C4orf54: variants seen among roughly 807,000 people sequenced by gnomAD.
The protein encoded by C4orf54 is chromosome 4 open reading frame 54, also known as uncharacterized protein C4orf54.
In C4orf54, 67 loss-of-function variants were observed where a neutral mutation model predicts 80.1. The observed-to-expected ratio is 0.84, with a 90% CI of 0.69 to 1.03. The LOEUF is 1.03. Among genes scored for constraint, C4orf54 ranks in the 50% least tolerant of loss-of-function variants. C4orf54 has a pLI of 0.00. For missense variants in C4orf54, 2,434 were observed against 2,253.5 expected, an observed-to-expected ratio of 1.08 and a Z score of -1.62; for synonymous variants, 1,000 against 917.0, an observed-to-expected ratio of 1.09 and a Z score of -1.64.
intron 2 of C4orf54, among the ~76,000 whole-genome samples, chr4:99,646,841 T>C (rs17029264): frequency 0.072 from 10,978 of 152,256 alleles, 623 homozygotes; most frequent in African/African-American, 0.16. Context: ...AATATCTGAA[T>C]GGTAGTTACA....
rs1234799043 is a variant in C4orf54 at position 99,640,911 on chromosome 4, AG to A, written c.*321del. On this transcript the variant is annotated 3_prime_UTR_variant, in exon 3 of 3. Coordinates refer to ENST00000511828, the MANE Select transcript of C4orf54 (RefSeq NM_001354435.2). ...GAATTGTTTGTCTAGTCACAAGTAC[AG>A]GGGGGAAGGAGGTGAATAGAAAGCT... 6.6e-6 allele frequency: 1 copy of A among 152,142 alleles called. No individual in the cohort carries two copies. Among genetic ancestry groups the A allele is most frequent in the African/African-American group, 2.4e-5 (1 of 41,446 alleles). The allele number at this position is 152,142 out of a possible 1,614,324, so 9.4% of individuals were successfully genotyped here.
chr4:99,653,509 C>T lies in C4orf54; in HGVS notation c.1140G>A (p.Gln380=), dbSNP rs1339550690. Residue 380 remains glutamine (Q), a synonymous_variant, in exon 2 of 3, where the codon CAG becomes CAA. Coordinates refer to ENST00000511828, the MANE Select transcript of C4orf54 (RefSeq NM_001354435.2). Reference sequence around the variant, plus strand: ...CCAGTCCCACGTCGAAATCCATGTCCTGTTCCACCTCACTCAGCTGGATCT... The same window carrying T: ...CCAGTCCCACGTCGAAATCCATGTCTTGTTCCACCTCACTCAGCTGGATCT... The part of the protein sequence containing the change: ...THEIQLSEVE[Q]DMDFDVGLAS... 1 of 1,536,018 alleles carries T rather than the reference C, an allele frequency of 6.5e-7. No homozygotes were observed. The highest frequency in any genetic ancestry group is 8.7e-7 in the Non-Finnish European group (1 of 1,146,920).
chr4:99,652,452 T>C lies in C4orf54; in HGVS notation c.2197A>G (p.Thr733Ala), dbSNP rs1726862395. ...KVEGEIKHVE[T>A]PLCFQKQVQT... ...ACCTGCTTCTGGAAACACAGGGGCG[T>C]CTCCACATGTTTGATTTCCCCCTCG... Residue 733 changes from threonine (T) to alanine (A), a missense_variant, in exon 2 of 3, where the codon ACG becomes GCG. Coordinates refer to ENST00000511828, the MANE Select transcript of C4orf54 (RefSeq NM_001354435.2). 7 of 1,535,824 alleles carry C rather than the reference T, an allele frequency of 4.6e-6. No individual in the cohort carries two copies. The highest frequency in any genetic ancestry group is 1.2e-5 in the South Asian group (1 of 84,018).
chr4:99,652,470 C>T lies in C4orf54; in HGVS notation c.2179G>A (p.Glu727Lys). 6.5e-7 allele frequency: 1 copy of T among 1,535,794 alleles called. No individual in the cohort carries two copies. The highest frequency in any genetic ancestry group is 8.7e-7 in the Non-Finnish European group (1 of 1,146,716). The change falls in exon 2 of 3, where the codon GAA (glutamate) becomes AAA (lysine). Residue 727 changes from glutamate (E) to lysine (K), a missense_variant. Coordinates refer to ENST00000511828, the MANE Select transcript of C4orf54 (RefSeq NM_001354435.2). ...AGGGGCGTCTCCACATGTTTGATTT[C>T]CCCCTCGACTTTGCTGACCACGAAC... ...LEFVVSKVEG[E>K]IKHVETPLCF...
chr4:99,652,819 G>T lies in C4orf54; in HGVS notation c.1830C>A (p.Ser610=). The T allele has an allele frequency of 6.5e-7, 1 of 1,536,114 alleles. No individual in the cohort carries two copies. The highest frequency in any genetic ancestry group is 8.7e-7 in the Non-Finnish European group (1 of 1,146,910). ...CATCGTCCAGTTCGCTCACGGCACT[G>T]GAGGCTCCGCTGGAGTAGTCCACCA... ...KELVDYSSGA[S]SAVSELDDAD... Residue 610 remains serine, a synonymous_variant, in exon 2 of 3, where the codon TCC becomes TCA. Coordinates refer to ENST00000511828, the MANE Select transcript of C4orf54 (RefSeq NM_001354435.2).
Position 99,650,362 on chromosome 4 carries a change from G to T in C4orf54, c.4287C>A (p.Gly1429=). 1 of 1,536,090 alleles carries T rather than the reference G, an allele frequency of 6.5e-7. No homozygotes were observed. Among genetic ancestry groups the T allele is most frequent in the Non-Finnish European group, 8.7e-7 (1 of 1,146,892 alleles). ...GGGACCGGAGTCCCTGCGACTTGAT[G>T]CCCTTAGCTGCTGAAGGACTCTCCG... ...PSPESPSAAK[G]IKSQGLRSLK... is the part of the protein sequence containing the mutation. The change falls in exon 2 of 3, where the codon GGC becomes GGA. Residue 1429 remains glycine, a synonymous_variant. Transcript: ENST00000511828.
chr4:99,653,625 C>T lies in C4orf54; in HGVS notation c.1024G>A (p.Asp342Asn). ...GKGGGGGGAGDGTECRDIIAK... is the reference protein window; with the variant it reads ...GKGGGGGGAGNGTECRDIIAK... ...ATAATGTCCCTGCACTCTGTTCCAT[C>T]TCCTGCCCCTCCTCCCCCTCCTCCT... Residue 342 changes from aspartate (D) to asparagine (N), a missense_variant, in exon 2 of 3, where the codon GAT becomes AAT. Asp to Asn is a conservative substitution (Grantham distance 23, BLOSUM62 1). Coordinates refer to ENST00000511828, the MANE Select transcript of C4orf54 (RefSeq NM_001354435.2). The T allele has an allele frequency of 6.5e-7, 1 of 1,535,774 alleles. No individual in the cohort carries two copies. Among genetic ancestry groups the T allele is most frequent in the Non-Finnish European group, 8.7e-7 (1 of 1,146,732 alleles).
At position 99,650,428 on chromosome 4, in the gene C4orf54, T is replaced by C. The variant is rs568492415; in HGVS notation, c.4221A>G (p.Lys1407=). 2.6e-6 allele frequency: 4 copies of C among 1,535,936 alleles called. No individual in the cohort carries two copies. In the South Asian group the frequency reaches 4.8e-5, roughly 18 times the overall value. Residue 1407 remains lysine (K), a synonymous_variant, in exon 2 of 3, where the codon AAA becomes AAG. Coordinates refer to ENST00000511828, the MANE Select transcript of C4orf54 (RefSeq NM_001354435.2). ...VFTVSASSIQ[K]TGGVAGKFPQ... ...GGAACTTGCCAGCGACACCCCCAGTTTTCTGGATGCTGCTGGCACTCACTG... is the reference window on the plus strand; with the variant it reads ...GGAACTTGCCAGCGACACCCCCAGTCTTCTGGATGCTGCTGGCACTCACTG...
chr4:99,649,588 C>A lies in C4orf54; in HGVS notation c.5061G>T (p.Leu1687=). The change falls in exon 2 of 3, where the codon CTG becomes CTT. Residue 1687 remains leucine (L), a synonymous_variant. Transcript: ENST00000511828. ...GTGTGGGCTGCAGAGCATTGGTGGG[C>A]AGCACGGTAGGCAGAAACCCAGGGT... ...MIYPGFLPTV[L]PTNALQPTPI... is the part of the protein sequence containing the mutation. 1 of 1,536,096 alleles carries A rather than the reference C, an allele frequency of 6.5e-7. No individual in the cohort carries two copies. Among genetic ancestry groups the A allele is most frequent in the Non-Finnish European group, 8.7e-7 (1 of 1,146,906 alleles).
In C4orf54 at chr4:99,641,180, A is replaced by G. The variant is rs1340903675; in HGVS notation, c.*53T>C. On this transcript the variant is annotated 3_prime_UTR_variant, in exon 3 of 3. Transcript: ENST00000511828. ...ATTCCAGATTAAAGAAGAATAGTCC[A>G]TCTTTTTGTCTTGCTCCTATAAAAT... 1 of 152,032 alleles carries G rather than the reference A, an allele frequency of 6.6e-6. No individual in the cohort carries two copies. The highest frequency in any genetic ancestry group is 1.5e-5 in the Non-Finnish European group (1 of 67,958). 9.4% of individuals were successfully genotyped at this position (152,032 alleles called of 1,614,324 possible). A position where few individuals can be genotyped will look rare whatever the true frequency, so the allele number is the denominator to read the frequency against.
In C4orf54 at chr4:99,650,103, G is replaced by A; in HGVS notation, c.4546C>T (p.Pro1516Ser). The A allele has an allele frequency of 6.5e-7, 1 of 1,535,966 alleles. No individual in the cohort carries two copies. The highest frequency in any genetic ancestry group is 1.2e-5 in the South Asian group (1 of 84,046). ...LPPLSARSQV[P>S]SSSKGSQVSG... ...ACCTGAGAGCCTTTGGAGCTACTGG[G>A]GACCTGACTGCGGGCACTCAGCGGG... Residue 1516 changes from proline (P) to serine (S), a missense_variant, in exon 2 of 3, where the codon CCC becomes TCC. Pro to Ser is a moderately conservative substitution (Grantham distance 74). Coordinates refer to ENST00000511828, the MANE Select transcript of C4orf54 (RefSeq NM_001354435.2).
rs4699385 is a variant in C4orf54 at position 99,653,038 on chromosome 4, A to C, written c.1611T>G (p.Arg537=). ...SRAINEPSNV[R]AKQNIIYAAK... ...CAGCATAAATAATGTTTTGCTTTGC[A>C]CGCACGTTGCTAGGCTCATTTATAG... The change falls in exon 2 of 3, where the codon CGT becomes CGG. Residue 537 remains arginine (R), a synonymous_variant. Coordinates refer to ENST00000511828, the MANE Select transcript of C4orf54 (RefSeq NM_001354435.2). The C allele has an allele frequency of 6.5e-7, 1 of 1,536,068 alleles. No individual in the cohort carries two copies. Among genetic ancestry groups the C allele is most frequent in the Admixed American group, 2.0e-5 (1 of 51,004 alleles).
In C4orf54 at chr4:99,639,793, A is replaced by T. The variant is rs773479196; in HGVS notation, c.*1440T>A. On this transcript the variant is annotated 3_prime_UTR_variant, in exon 3 of 3. Coordinates refer to ENST00000511828, the MANE Select transcript of C4orf54 (RefSeq NM_001354435.2). ...ACAAAACTCAGTCTCCTAGTTTTTT[A>T]CTCACACTTTTTGTCATGAGTAGCA... 5.9e-5 allele frequency: 9 copies of T among 152,156 alleles called. No homozygotes were observed. The highest frequency in any genetic ancestry group is 8.8e-5 in the Non-Finnish European group (6 of 67,978). The allele number at this position is 152,156 out of a possible 1,614,324, so 9.4% of individuals were successfully genotyped here.
rs1301334430 is a variant in C4orf54, at chr4:99,652,477, G to A, written c.2172C>T (p.Val724=). Residue 724 remains valine, a synonymous_variant, in exon 2 of 3, where the codon GTC becomes GTT. Coordinates refer to ENST00000511828, the MANE Select transcript of C4orf54 (RefSeq NM_001354435.2). ...TKALEFVVSK[V]EGEIKHVETP... ...TCTCCACATGTTTGATTTCCCCCTC[G>A]ACTTTGCTGACCACGAACTCCAAGG... 1 of 1,535,636 alleles carries A rather than the reference G, an allele frequency of 6.5e-7. No homozygotes were observed. Among genetic ancestry groups the A allele is most frequent in the Non-Finnish European group, 8.7e-7 (1 of 1,146,694 alleles).
At chr4:99,644,492 C>A (rs960918824) in intron 2 of C4orf54, among the ~76,000 whole-genome samples, 4 of 152,010 alleles carry the variant, frequency 2.6e-5, no homozygotes, top group Non-Finnish European at 4.4e-5. Flanking sequence ...GAGAGGAAGT[C>A]ACTACCAAGT....
intron 2 of C4orf54, among the ~76,000 whole-genome samples, chr4:99,646,648 C>G (rs760269179): frequency 2.6e-5 from 4 of 152,198 alleles, no homozygotes; most frequent in Non-Finnish European, 5.9e-5. Flanking sequence ...CCATTTCTTT[C>G]TAAGTCCCAG....
chr4:99,644,480 G>A (rs1351944142), intron 2 of C4orf54, among the ~76,000 whole-genome samples: 1 of 152,124 alleles, frequency 6.6e-6, no homozygotes, highest in Non-Finnish European at 1.5e-5. Flanking sequence ...TACAATAATT[G>A]GGAGAGGAAG....
Position 99,653,877 on chromosome 4 carries a change from A to C in C4orf54, c.772T>G (p.Ser258Ala). 3 of 1,536,234 alleles carry C rather than the reference A, an allele frequency of 2.0e-6. No individual in the cohort carries two copies. Among genetic ancestry groups the C allele is most frequent in the Non-Finnish European group, 2.6e-6 (3 of 1,146,886 alleles). ...ASSQLSRSQH[S>A]ASEEGGNFSS... ...AAATTGCCACCCTCTTCAGAGGCAGAGTGCTGGGATCTAGAGAGTTGGGAG... is the reference window on the plus strand; with the variant it reads ...AAATTGCCACCCTCTTCAGAGGCAGCGTGCTGGGATCTAGAGAGTTGGGAG... The change falls in exon 2 of 3, where the codon TCT becomes GCT. Residue 258 changes from serine (S) to alanine (A), a missense_variant. By Grantham distance (99) the Ser-to-Ala change is moderately conservative (BLOSUM62 1). Transcript: ENST00000511828.
Position 99,652,172 on chromosome 4 carries a change from TC to T in C4orf54, c.2476del (p.Glu826SerfsTer136), listed in dbSNP as rs1233799692. 6.5e-7 allele frequency: 1 copy of T among 1,535,938 alleles called. No individual in the cohort carries two copies. Among genetic ancestry groups the T allele is most frequent in the African/African-American group, 1.4e-5 (1 of 73,050 alleles). Reference sequence around the variant, plus strand: ...GACTTCTCCCCTCTCCATTTTGAACTCGTGTTCCCGCTGCATCTTCTTGGAA... The same window carrying T: ...GACTTCTCCCCTCTCCATTTTGAACTGTGTTCCCGCTGCATCTTCTTGGAA... The part of the protein sequence containing the change: ...VISKKMQREH[E>X]FKMERGEVMD... On this transcript the variant is annotated frameshift_variant, in exon 2 of 3. Transcript: ENST00000511828. LOFTEE classifies it high-confidence loss of function.
Sources: gnomAD v4.1 joint callset for allele counts (sites outside exome capture counted in the v4.1 genomes callset) on GRCh38, gnomAD v4.1.1 for gene constraint, MANE v1.5 for transcripts, NCBI Gene and HGNC (gene_info 2026-07-23, HGNC 2026-07-21) for gene names.